Variants in MKX observed in about 807,000 individuals in gnomAD.
MKX encodes mohawk homeobox.
A neutral mutation model predicts 36.0 loss-of-function variants in MKX; 13 were observed. That is an observed-to-expected ratio of 0.36 (90% CI 0.24 to 0.57). The LOEUF is 0.57. Among genes scored for constraint, MKX ranks in the 20% least tolerant of loss-of-function variants. MKX has a pLI of 0.79. For missense variants in MKX, 458 were observed against 456.4 expected, an observed-to-expected ratio of 1.00 and a Z score of -0.03; for synonymous variants, 176 against 178.3, an observed-to-expected ratio of 0.99 and a Z score of 0.10.
intron 5 of MKX, among the ~76,000 whole-genome samples, chr10:27,703,670 G>T (rs530365888): frequency 2.6e-5 from 4 of 152,056 alleles, no homozygotes; most frequent in Non-Finnish European, 4.4e-5. Context: ...AGGCCGTAGC[G>T]GGCGGATCAC....
intron 5 of MKX, among the ~76,000 whole-genome samples, chr10:27,720,608 G>A (rs1834355594): frequency 3.3e-5 from 5 of 152,154 alleles, no homozygotes; most frequent in Admixed American, 3.3e-4. Context: ...TGGTTGGGGA[G>A]ATATCTTATT....
chr10:27,711,150 G>A (rs1836843425), intron 5 of MKX, among the ~76,000 whole-genome samples: 1 of 152,174 alleles, frequency 6.6e-6, no homozygotes, highest in East Asian at 1.9e-4. Flanking sequence ...AGAATACCCT[G>A]GAAACAGAGA....
rs567752019 is a variant in MKX at position 27,744,130 on chromosome 10, A to T, written c.-82-633T>A. ...GGGTGAGGTTGGGTTCAAGGACAGG[A>T]AAAAGTTAAGTGGCGTCAGGACGAA... On this transcript the variant is annotated intron_variant, in intron 1 of 6. Transcript: ENST00000419761. This position sits in a 1 kb window ranked among gnomAD's most constrained non-coding sequence, Gnocchi z 5.6. Among the ~76,000 whole-genome samples the T allele has an allele frequency of 3.3e-4, 50 of 152,138 alleles. No individual in the cohort carries two copies. The highest frequency in any genetic ancestry group is 1.1e-3 in the African/African-American group (47 of 41,500).
At chr10:27,694,612 G>A (rs1032322676) in intron 5 of MKX, among the ~76,000 whole-genome samples, 1 of 147,794 alleles carries the variant, frequency 6.8e-6, no homozygotes. Flanking sequence ...GGAGAATGGC[G>A]TGAACCCAGA....
chr10:27,706,695 A>G (rs1207203040), intron 5 of MKX, among the ~76,000 whole-genome samples: 1 of 152,064 alleles, frequency 6.6e-6, no homozygotes, highest in African/African-American at 2.4e-5. Context: ...AACTATTTGT[A>G]TATCTTCTTT....
At chr10:27,714,920 C>T (rs1031259343) in intron 5 of MKX, among the ~76,000 whole-genome samples, 9 of 152,132 alleles carry the variant, frequency 5.9e-5, no homozygotes, top group Admixed American at 2.0e-4. Context: ...GGGTGTAAGT[C>T]GAATCTACAG....
intron 5 of MKX, among the ~76,000 whole-genome samples, chr10:27,717,298 T>C (rs557127165): frequency 6.6e-6 from 1 of 152,226 alleles, no homozygotes; most frequent in Non-Finnish European, 1.5e-5. Context: ...AAATGGGTGC[T>C]GTTTAAAGCT....
intron 5 of MKX, among the ~76,000 whole-genome samples, chr10:27,683,335 T>C (rs1046420462): frequency 6.6e-6 from 1 of 152,264 alleles, no homozygotes; most frequent in Non-Finnish European, 1.5e-5. Context: ...CAATCTACTG[T>C]ACAGGTTTGT....
intron 5 of MKX, among the ~76,000 whole-genome samples, chr10:27,717,496 T>C (rs1836985931): frequency 6.6e-6 from 1 of 152,220 alleles, no homozygotes. Context: ...GGTACCATGA[T>C]CTCAGGCTGG....
chr10:27,705,618 G>A (rs1462964189), intron 5 of MKX, among the ~76,000 whole-genome samples: 1 of 152,198 alleles, frequency 6.6e-6, no homozygotes, highest in Non-Finnish European at 1.5e-5. Flanking sequence ...GCCTCCCAGA[G>A]TTCTGAGAAT....
chr10:27,675,626 C>A, intron 5 of MKX, 72 bp from the exon 6 acceptor site: 1 of 1,407,900 alleles, frequency 7.1e-7, no homozygotes, highest in Non-Finnish European at 9.8e-7. Flanking sequence ...AGTTTCATCA[C>A]TAATGACCAG....
At chr10:27,721,655 G>A (rs1834382720) in intron 5 of MKX, among the ~76,000 whole-genome samples, 1 of 152,072 alleles carries the variant, frequency 6.6e-6, no homozygotes, top group African/African-American at 2.4e-5. Context: ...AAAGCATCAG[G>A]AAAAATAGCT....
chr10:27,693,927 G>A (rs1413840003), intron 5 of MKX, among the ~76,000 whole-genome samples: 4 of 152,100 alleles, frequency 2.6e-5, no homozygotes, highest in Non-Finnish European at 5.9e-5. Context: ...ATGGGGACAG[G>A]TCTTTTCCAT....
chr10:27,707,332 T>C (rs1425753321), intron 5 of MKX, among the ~76,000 whole-genome samples: 1 of 152,196 alleles, frequency 6.6e-6, no homozygotes, highest in African/African-American at 2.4e-5. Context: ...TTATGATGTA[T>C]TCATTATTAT....
chr10:27,711,494 T>TCCCTTCCTTC (rs1554772213), intron 5 of MKX, among the ~76,000 whole-genome samples: 6 of 34,150 alleles, frequency 1.8e-4, no homozygotes, highest in African/African-American at 8.6e-4. Flanking sequence ...TCTCTCTCTC[T>TCCCTTCCTTC]CTTCTTTCCT....
At chr10:27,706,575 G>A (rs1232337285) in intron 5 of MKX, among the ~76,000 whole-genome samples, 1 of 149,948 alleles carries the variant, frequency 6.7e-6, no homozygotes, top group African/African-American at 2.5e-5. Flanking sequence ...GTGTGTGTGT[G>A]TGTGTTTAAT....
In MKX at chr10:27,675,110, A is replaced by G; in HGVS notation, c.*119T>C. ...AGCAACTAAATGATATATTTGGGAT[A>G]ATTAAAAATAAGAAGAGGTTTGGGA... On this transcript the variant is annotated 3_prime_UTR_variant, in exon 7 of 7. Transcript: ENST00000419761. 1 of 850,250 alleles carries G rather than the reference A, an allele frequency of 1.2e-6. No individual in the cohort carries two copies. The highest frequency in any genetic ancestry group is 1.8e-6 in the Non-Finnish European group (1 of 561,542). 52.7% of individuals were successfully genotyped at this position (850,250 alleles called of 1,614,324 possible).
At chr10:27,743,145 G>C in intron 2 of MKX, 83 bp downstream of exon 2, 2 of 1,308,912 alleles carry the variant, frequency 1.5e-6, no homozygotes. Flanking sequence ...ACCCGCCCGC[G>C]TTGCCACGGG....
chr10:27,706,747 G>T (rs541453481), intron 5 of MKX, among the ~76,000 whole-genome samples: 68 of 152,180 alleles, frequency 4.5e-4, no homozygotes, highest in African/African-American at 1.4e-3. Flanking sequence ...TTTAATTGAG[G>T]TGTTTCTTTT....
Sources: allele counts gnomAD v4.1 joint callset (sites outside exome capture counted in the v4.1 genomes callset), GRCh38; gene constraint gnomAD v4.1.1; non-coding constraint Gnocchi (gnomAD v3.1); transcripts MANE v1.5; gene names NCBI Gene and HGNC (gene_info 2026-07-23, HGNC 2026-07-21).